The following ROBO1 variants were observed in gnomAD, a reference collection of about 807,000 sequenced individuals.
The protein encoded by ROBO1 is roundabout guidance receptor 1.
Under a neutral mutation model 195.9 loss-of-function variants are expected in ROBO1, and 149 were observed. The ratio of observed to expected loss-of-function variants is 0.76; its 90% confidence interval spans 0.67 to 0.87. ROBO1 has a LOEUF of 0.87. Among genes scored for constraint, ROBO1 ranks in the 40% least tolerant of loss-of-function variants. ROBO1 has a pLI of 0.00. For missense variants in ROBO1, 1,933 were observed against 2,068.3 expected (o/e 0.93, Z 1.27); for synonymous variants, 816 against 733.2 (o/e 1.11, Z -1.82).
At chr3:79,485,649 C>A (rs570816583) in intron 2 of ROBO1, among the ~76,000 whole-genome samples, 1 of 152,074 alleles carries the variant, frequency 6.6e-6, no homozygotes, top group Non-Finnish European at 1.5e-5. Context: ...TCATTTAATC[C>A]TTACAACAAC....
At chr3:78,607,106 G>T (rs1703511138) in intron 28 of ROBO1, 65 bp from the exon 29 acceptor site, 5 of 1,435,014 alleles carry the variant, frequency 3.5e-6, no homozygotes, top group Non-Finnish European at 4.7e-6. Flanking sequence ...CAAACATTTG[G>T]ATTATCATTG....
At chr3:78,635,660 T>C (rs1390680239) in intron 23 of ROBO1, 113 bp downstream of exon 23, 5 of 929,296 alleles carry the variant, frequency 5.4e-6, no homozygotes, top group Non-Finnish European at 7.8e-6. Context: ...TAAGAAAATC[T>C]CAGCGACAGA....
At chr3:79,370,743 T>C (rs1328783402) in intron 2 of ROBO1, among the ~76,000 whole-genome samples, 2 of 152,066 alleles carry the variant, frequency 1.3e-5, no homozygotes, top group Non-Finnish European at 2.9e-5. Flanking sequence ...GATATATACA[T>C]GTGTCATGGT....
chr3:79,111,472 C>A (rs1429735196), intron 3 of ROBO1, among the ~76,000 whole-genome samples: 1 of 152,134 alleles, frequency 6.6e-6, no homozygotes, highest in East Asian at 1.9e-4. Flanking sequence ...GGTGCTGGAC[C>A]TGCCTCGCTT....
intron 2 of ROBO1, among the ~76,000 whole-genome samples, chr3:79,201,138 C>T (rs1312719487): frequency 6.6e-6 from 1 of 151,876 alleles, no homozygotes; most frequent in Non-Finnish European, 1.5e-5. Flanking sequence ...TCATCATAGG[C>T]CTGGATGCCT....
At chr3:79,424,847 A>G (rs1011407904) in intron 2 of ROBO1, among the ~76,000 whole-genome samples, 2 of 152,172 alleles carry the variant, frequency 1.3e-5, no homozygotes, top group Admixed American at 6.6e-5. Context: ...ATATGAATCA[A>G]AAATATAAAC....
intron 3 of ROBO1, among the ~76,000 whole-genome samples, chr3:79,087,934 A>G (rs2079404001): frequency 6.6e-6 from 1 of 152,100 alleles, no homozygotes; most frequent in Admixed American, 6.6e-5. Flanking sequence ...TCCTGGTACC[A>G]AGGGTATCCC....
At chr3:78,742,947 G>T (rs1284276586) in intron 5 of ROBO1, among the ~76,000 whole-genome samples, 1 of 152,030 alleles carries the variant, frequency 6.6e-6, no homozygotes, top group Non-Finnish European at 1.5e-5. Context: ...TTTGGCATAA[G>T]CAATAAAATG....
chr3:79,377,563 T>G (rs2036427143), intron 2 of ROBO1, among the ~76,000 whole-genome samples: 1 of 152,262 alleles, frequency 6.6e-6, no homozygotes, highest in Non-Finnish European at 1.5e-5. Flanking sequence ...CCCTCCACTT[T>G]ATTTCTAAAT....
chr3:79,165,730 T>C (rs912220357), intron 2 of ROBO1, among the ~76,000 whole-genome samples: 2 of 152,192 alleles, frequency 1.3e-5, no homozygotes, highest in Non-Finnish European at 2.9e-5. Context: ...GATACACATA[T>C]CACATAATCT....
intron 3 of ROBO1, among the ~76,000 whole-genome samples, chr3:79,084,029 A>G (rs887941888): frequency 2.0e-5 from 3 of 152,172 alleles, no homozygotes; most frequent in Non-Finnish European, 4.4e-5. Flanking sequence ...GTACTGCCTG[A>G]CTCTGGAAGA....
chr3:79,175,747 G>A (rs1250124232), intron 2 of ROBO1, among the ~76,000 whole-genome samples: 1 of 152,048 alleles, frequency 6.6e-6, no homozygotes, highest in Admixed American at 6.5e-5. Context: ...TGGCCATGTG[G>A]CTGAATAATT....
intron 2 of ROBO1, among the ~76,000 whole-genome samples, chr3:79,521,664 T>C (rs1338253163): frequency 6.6e-6 from 1 of 152,208 alleles, no homozygotes; most frequent in Non-Finnish European, 1.5e-5. Context: ...TTGTAGTGAA[T>C]ACTTATTTAG....
At chr3:78,846,955 G>T (rs555346312) in intron 4 of ROBO1, among the ~76,000 whole-genome samples, 2 of 152,228 alleles carry the variant, frequency 1.3e-5, no homozygotes, top group African/African-American at 4.8e-5. Context: ...GATCCAAGGG[G>T]AAACACAGCT....
At chr3:78,936,443 T>C (rs891597049) in intron 4 of ROBO1, among the ~76,000 whole-genome samples, 1 of 152,106 alleles carries the variant, frequency 6.6e-6, no homozygotes, top group African/African-American at 2.4e-5. Context: ...TTTTGAAATA[T>C]GACTTTATCA....
intron 2 of ROBO1, among the ~76,000 whole-genome samples, chr3:79,248,362 G>A (rs1427947955): frequency 2.2e-4 from 29 of 133,246 alleles, no homozygotes; most frequent in Admixed American, 1.6e-4. Flanking sequence ...GGTCCTAGAT[G>A]GGAAGACAGA....
At chr3:79,725,691 T>C (rs1353471088) in intron 1 of ROBO1, among the ~76,000 whole-genome samples, 1 of 152,158 alleles carries the variant, frequency 6.6e-6, no homozygotes, top group African/African-American at 2.4e-5. Flanking sequence ...TTTCTTCTTT[T>C]ATGTGGTAGA....
At chr3:79,427,198 T>G (rs1227888942) in intron 2 of ROBO1, among the ~76,000 whole-genome samples, 1 of 152,184 alleles carries the variant, frequency 6.6e-6, no homozygotes, top group Non-Finnish European at 1.5e-5. Flanking sequence ...GAATAGGGAT[T>G]GTGTAAAAGC....
At chr3:79,643,004 G>A (rs1044594536) in intron 1 of ROBO1, among the ~76,000 whole-genome samples, 1 of 152,056 alleles carries the variant, frequency 6.6e-6, no homozygotes, top group African/African-American at 2.4e-5. Context: ...TGTTGTCAAG[G>A]CAGATTAACA....
Sources: allele counts gnomAD v4.1 joint callset (sites outside exome capture counted in the v4.1 genomes callset), GRCh38; gene constraint gnomAD v4.1.1; transcripts MANE v1.5; gene names NCBI Gene and HGNC (gene_info 2026-07-23, HGNC 2026-07-21).